The following GSE1 variants were observed in gnomAD, a reference collection of about 807,000 sequenced individuals.
GSE1 encodes the protein genetic suppressor element 1.
In GSE1, 32 loss-of-function variants were observed where a neutral mutation model predicts 112.6. The ratio of observed to expected loss-of-function variants is 0.28; its 90% confidence interval spans 0.21 to 0.38. The LOEUF is 0.38. Among genes scored for constraint, GSE1 ranks in the 10% least tolerant of loss-of-function variants. The pLI is 1.00. For synonymous variants in GSE1, 1,115 were observed against 735.6 expected, an observed-to-expected ratio of 1.52 and a Z score of -8.35; for missense variants, 2,348 against 1,699.2, an observed-to-expected ratio of 1.38 and a Z score of -6.71.
chr16:85,346,741 G>GTGGGTGGATGGTGGACAGT (rs2046749581), intron 1 of GSE1, among the ~76,000 whole-genome samples: 5 of 151,314 alleles, frequency 3.3e-5, no homozygotes, highest in African/African-American at 9.7e-5. Flanking sequence ...TGGTGGACAG[G>GTGGGTGGATGGTGGACAGT]TGAGTGGATG....
chr16:85,237,529 T>TGGGGA (rs932463590), intron 1 of GSE1, among the ~76,000 whole-genome samples: 4 of 151,618 alleles, frequency 2.6e-5, no homozygotes, highest in Admixed American at 6.6e-5. Flanking sequence ...CGTAAGGTAC[T>TGGGGA]GGGGAGCCAC....
At chr16:85,616,961 G>A (rs1490607318) in intron 1 of GSE1, among the ~76,000 whole-genome samples, 1 of 152,186 alleles carries the variant, frequency 6.6e-6, no homozygotes, top group Non-Finnish European at 1.5e-5. Flanking sequence ...CGCACACTCG[G>A]GGGCCTTTTA....
At chr16:85,473,984 G>T (rs112681166) in intron 2 of GSE1, among the ~76,000 whole-genome samples, 24 of 150,830 alleles carry the variant, frequency 1.6e-4, no homozygotes, top group African/African-American at 5.2e-4. Context: ...GAAGGCCCTG[G>T]GGGGCAGCAG....
intron 2 of GSE1, among the ~76,000 whole-genome samples, chr16:85,365,776 G>A (rs1325025382): frequency 6.6e-6 from 1 of 152,242 alleles, no homozygotes; most frequent in African/African-American, 2.4e-5. Flanking sequence ...GTTGAAATCA[G>A]TTATTCGTTG....
At chr16:85,286,849 T>C (rs1168348308) in intron 1 of GSE1, among the ~76,000 whole-genome samples, 2 of 152,102 alleles carry the variant, frequency 1.3e-5, no homozygotes, top group Non-Finnish European at 2.9e-5. Flanking sequence ...AAAAACAAAA[T>C]AGTGAGAAAA....
At chr16:85,519,791 C>T (rs1421376021) in intron 2 of GSE1, among the ~76,000 whole-genome samples, 1 of 152,184 alleles carries the variant, frequency 6.6e-6, no homozygotes, top group Admixed American at 6.5e-5. Context: ...TCACCACAAC[C>T]AGCAATTGTG....
intron 1 of GSE1, among the ~76,000 whole-genome samples, chr16:85,588,351 T>G (rs573701429): frequency 7.4e-4 from 112 of 152,222 alleles, no homozygotes; most frequent in Non-Finnish European, 1.1e-3. Context: ...GGCCCCCCCT[T>G]CCCCGCTGCG....
chr16:85,483,634 G>A (rs996068144), intron 2 of GSE1, among the ~76,000 whole-genome samples: 5 of 152,270 alleles, frequency 3.3e-5, no homozygotes, highest in African/African-American at 1.2e-4. Flanking sequence ...TCTCCGAGGC[G>A]GCGGGCTGAG....
intron 1 of GSE1, among the ~76,000 whole-genome samples, chr16:85,183,250 C>T (rs540863614): frequency 6.6e-6 from 1 of 152,358 alleles, no homozygotes; most frequent in East Asian, 1.9e-4. Context: ...CACACTCATG[C>T]ACACACACTC....
At chr16:85,289,068 A>G (rs1207780844) in intron 1 of GSE1, among the ~76,000 whole-genome samples, 1 of 152,174 alleles carries the variant, frequency 6.6e-6, no homozygotes, top group Non-Finnish European at 1.5e-5. Flanking sequence ...CTACCTCTGA[A>G]TGATCAGATC....
At chr16:85,452,745 CT>C (rs2151806560) in intron 2 of GSE1, among the ~76,000 whole-genome samples, 1 of 152,258 alleles carries the variant, frequency 6.6e-6, no homozygotes, top group African/African-American at 2.4e-5. Context: ...AGAGAGACCC[CT>C]GGTGGGCGGT....
At chr16:85,397,596 C>T (rs2047997596) in intron 2 of GSE1, among the ~76,000 whole-genome samples, 1 of 152,208 alleles carries the variant, frequency 6.6e-6, no homozygotes, top group African/African-American at 2.4e-5. Context: ...AGTCACCTTC[C>T]ATGCAGGGAG....
intron 1 of GSE1, among the ~76,000 whole-genome samples, chr16:85,557,469 T>G (rs2045292276): frequency 6.6e-6 from 1 of 152,002 alleles, no homozygotes; most frequent in African/African-American, 2.4e-5. Flanking sequence ...TTTCCCATGT[T>G]GAGGCTTTTA....
intron 2 of GSE1, among the ~76,000 whole-genome samples, chr16:85,637,540 T>G (rs2050104267): frequency 6.6e-6 from 1 of 151,630 alleles, no homozygotes; most frequent in Non-Finnish European, 1.5e-5. Flanking sequence ...AGTCCCCCCT[T>G]GATCGCGGCA....
At chr16:85,391,994 G>A (rs889826539) in intron 2 of GSE1, among the ~76,000 whole-genome samples, 22 of 152,164 alleles carry the variant, frequency 1.4e-4, no homozygotes, top group African/African-American at 3.9e-4. Flanking sequence ...CCTCCCCATC[G>A]TCCTTGTCCT....
At chr16:85,358,687 G>A (rs914988102) in intron 2 of GSE1, among the ~76,000 whole-genome samples, 14 of 152,186 alleles carry the variant, frequency 9.2e-5, no homozygotes, top group African/African-American at 1.4e-4. Flanking sequence ...GGTAGGCTCC[G>A]GGGAAGGGAA....
chr16:85,541,323 C>T (rs1191139098), intron 2 of GSE1, among the ~76,000 whole-genome samples: 1 of 152,206 alleles, frequency 6.6e-6, no homozygotes, highest in Non-Finnish European at 1.5e-5. Context: ...AGGCCCTAGT[C>T]TAGGGCCTTC....
At chr16:85,392,879 T>C (rs2047874559) in intron 2 of GSE1, among the ~76,000 whole-genome samples, 1 of 152,208 alleles carries the variant, frequency 6.6e-6, no homozygotes, top group South Asian at 2.1e-4. Flanking sequence ...GGGGATGCCC[T>C]CCGAGGTCTC....
chr16:85,338,429 T>G (rs1433654219), intron 1 of GSE1, among the ~76,000 whole-genome samples: 1 of 152,158 alleles, frequency 6.6e-6, no homozygotes, highest in Non-Finnish European at 1.5e-5. Context: ...CTGTGTGACG[T>G]GAGGCAGCTG....
Sources: allele counts gnomAD v4.1 joint callset (sites outside exome capture counted in the v4.1 genomes callset), GRCh38; gene constraint gnomAD v4.1.1; transcripts MANE v1.5; gene names NCBI Gene and HGNC (gene_info 2026-07-23, HGNC 2026-07-21).